The following LRFN5 variants were observed in gnomAD, a reference collection of about 807,000 sequenced individuals.
LRFN5 encodes leucine rich repeat and fibronectin type III domain containing 5.
LRFN5 carries 24 observed loss-of-function variants against 45.6 expected under a neutral mutation model. That is an observed-to-expected ratio of 0.53 (90% CI 0.38 to 0.74). The LOEUF is 0.74. Ranked by LOEUF, LRFN5 falls within the 30% of genes least tolerant of loss-of-function variation. The pLI is 0.00. For missense variants in LRFN5, 776 were observed against 861.5 expected (o/e 0.90, Z 1.24); for synonymous variants, 340 against 313.8 (o/e 1.08, Z -0.88).
intron 1 of LRFN5, among the ~76,000 whole-genome samples, chr14:41,730,782 A>G (rs540467313): frequency 2.6e-5 from 4 of 152,052 alleles, no homozygotes; most frequent in Non-Finnish European, 5.9e-5. Context: ...TTTTATTAAA[A>G]TAAAGCCACC....
chr14:41,735,292 G>A (rs1403710954), intron 1 of LRFN5, among the ~76,000 whole-genome samples: 1 of 151,832 alleles, frequency 6.6e-6, no homozygotes, highest in Non-Finnish European at 1.5e-5. Context: ...TTTTGATACA[G>A]TGTCTCAGTC....
intron 1 of LRFN5, among the ~76,000 whole-genome samples, chr14:41,729,184 T>A (rs1884062136): frequency 6.6e-6 from 1 of 152,192 alleles, no homozygotes; most frequent in Admixed American, 6.6e-5. Flanking sequence ...GTGGTTGGTT[T>A]AGGGGGTCAG....
intron 1 of LRFN5, among the ~76,000 whole-genome samples, chr14:41,709,627 A>G (rs1459876980): frequency 6.6e-6 from 1 of 152,112 alleles, no homozygotes; most frequent in Admixed American, 6.6e-5. Flanking sequence ...TATGTGAAGA[A>G]TGACACTGTA....
chr14:41,669,559 T>C (rs2138654733), intron 1 of LRFN5, among the ~76,000 whole-genome samples: 1 of 152,158 alleles, frequency 6.6e-6, no homozygotes, highest in East Asian at 1.9e-4. Context: ...GTTGGATTGA[T>C]AAGCATCTGT....
At chr14:41,778,067 A>C (rs1886356440) in intron 2 of LRFN5, among the ~76,000 whole-genome samples, 1 of 150,946 alleles carries the variant, frequency 6.6e-6, no homozygotes, top group South Asian at 2.1e-4. Context: ...AATATTTGAT[A>C]ATTTTTAATA....
At chr14:41,800,290 A>C (rs1326927394) in intron 2 of LRFN5, among the ~76,000 whole-genome samples, 1 of 150,640 alleles carries the variant, frequency 6.6e-6, no homozygotes, top group Non-Finnish European at 1.5e-5. Context: ...GATGAAACCA[A>C]AAGAAATTAT....
Position 41,886,591 on chromosome 14 carries a change from T to A in LRFN5, c.-20-15T>A. 6.8e-7 allele frequency: 1 copy of A among 1,476,656 alleles called. No individual in the cohort carries two copies. Among genetic ancestry groups the A allele is most frequent in the Non-Finnish European group, 9.1e-7 (1 of 1,097,262 alleles). The allele number at this position is 1,476,656 out of a possible 1,614,324, so 91.5% of individuals were successfully genotyped here. A position where few individuals can be genotyped will look rare whatever the true frequency, so the allele number is the denominator to read the frequency against. ...CACTGGATGCTAACATTCTATTTTGTGTCTTCCGTTACAGGCTCTTAAACC... is the reference window on the plus strand; with the variant it reads ...CACTGGATGCTAACATTCTATTTTGAGTCTTCCGTTACAGGCTCTTAAACC... On this transcript the variant is annotated splice_polypyrimidine_tract_variant and intron_variant, in intron 2 of 5. Coordinates refer to ENST00000298119, the MANE Select transcript of LRFN5 (RefSeq NM_152447.5).
At chr14:41,645,363 T>C (rs556935517) in intron 1 of LRFN5, among the ~76,000 whole-genome samples, 62 of 152,240 alleles carry the variant, frequency 4.1e-4, no homozygotes, top group African/African-American at 1.3e-3. Flanking sequence ...GCCTCCAGAG[T>C]AGCTGGGATT....
chr14:41,649,318 G>T (rs1467398065), intron 1 of LRFN5, among the ~76,000 whole-genome samples: 1 of 149,206 alleles, frequency 6.7e-6, no homozygotes, highest in Non-Finnish European at 1.5e-5. Context: ...ATAATATTGA[G>T]AAAATGATAA....
At position 41,608,186 on chromosome 14, in the gene LRFN5, C is replaced by G. The variant is rs938113497; in HGVS notation, c.-573C>G. 1 of 153,068 alleles carries G rather than the reference C, an allele frequency of 6.5e-6. No homozygotes were observed. The highest frequency in any genetic ancestry group is 1.5e-5 in the Non-Finnish European group (1 of 68,594). 9.5% of individuals were successfully genotyped at this position (153,068 alleles called of 1,614,324 possible). ...CCCTCCGTGCTGCTTCCTCCCCGTGCAGTGCTGGGTGTGCGTGTGCGAGTG... is the reference window on the plus strand; with the variant it reads ...CCCTCCGTGCTGCTTCCTCCCCGTGGAGTGCTGGGTGTGCGTGTGCGAGTG... On this transcript the variant is annotated 5_prime_UTR_variant, in exon 1 of 6. Coordinates refer to ENST00000298119, the MANE Select transcript of LRFN5 (RefSeq NM_152447.5).
intron 4 of LRFN5, among the ~76,000 whole-genome samples, chr14:41,898,259 G>GA (rs1223809873): frequency 6.6e-6 from 1 of 151,834 alleles, no homozygotes; most frequent in African/African-American, 2.4e-5. Context: ...AGGCATTTTG[G>GA]AAAAAAATAG....
At chr14:41,860,411 T>A (rs1365362913) in intron 2 of LRFN5, among the ~76,000 whole-genome samples, 1 of 152,168 alleles carries the variant, frequency 6.6e-6, no homozygotes, top group East Asian at 1.9e-4. Flanking sequence ...TGATATCTTC[T>A]TATATAAACA....
chr14:41,856,672 A>ATTTTTTTTTTTTTTTTTTTTT (rs1889465921), intron 2 of LRFN5, among the ~76,000 whole-genome samples: 1 of 5,984 alleles, frequency 1.7e-4, no homozygotes, highest in Admixed American at 2.6e-3. Flanking sequence ...TATTATTATT[A>ATTTTTTTTTTTTTTTTTTTTT]TTATTTTTTT....
intron 2 of LRFN5, among the ~76,000 whole-genome samples, chr14:41,816,223 G>C (rs1413016724): frequency 2.0e-5 from 3 of 150,062 alleles, no homozygotes; most frequent in Non-Finnish European, 4.4e-5. Flanking sequence ...CTTCTCTCCT[G>C]TTCCTTACAT....
At chr14:41,775,313 A>AT (rs1886248447) in intron 2 of LRFN5, among the ~76,000 whole-genome samples, 3 of 150,380 alleles carry the variant, frequency 2.0e-5, no homozygotes, top group Non-Finnish European at 3.0e-5. Flanking sequence ...GATGGTCTCG[A>AT]CTCCTGACCT....
chr14:41,819,800 C>T (rs1171301210), intron 2 of LRFN5, among the ~76,000 whole-genome samples: 1 of 152,088 alleles, frequency 6.6e-6, no homozygotes, highest in Non-Finnish European at 1.5e-5. Context: ...CACCTTCCAC[C>T]AGGCCCCTCC....
At chr14:41,877,738 A>G (rs563985994) in intron 2 of LRFN5, among the ~76,000 whole-genome samples, 1 of 152,130 alleles carries the variant, frequency 6.6e-6, no homozygotes, top group Non-Finnish European at 1.5e-5. Flanking sequence ...AAGTATAATA[A>G]GTCAACATTT....
At chr14:41,846,221 A>ACACACG (rs1053618406) in intron 2 of LRFN5, among the ~76,000 whole-genome samples, 49 of 151,770 alleles carry the variant, frequency 3.2e-4, no homozygotes, top group African/African-American at 1.2e-3. Context: ...ACAGACACAC[A>ACACACG]CACACACACA....
chr14:41,778,319 A>G (rs1886365677), intron 2 of LRFN5, among the ~76,000 whole-genome samples: 1 of 151,662 alleles, frequency 6.6e-6, no homozygotes, highest in South Asian at 2.1e-4. Context: ...GGCCATCAAG[A>G]GATTAATTTG....
Sources: gnomAD v4.1 joint callset for allele counts (sites outside exome capture counted in the v4.1 genomes callset) on GRCh38, gnomAD v4.1.1 for gene constraint, MANE v1.5 for transcripts, NCBI Gene and HGNC (gene_info 2026-07-23, HGNC 2026-07-21) for gene names.